The following CDKL3 variants were observed in gnomAD, a reference collection of about 807,000 sequenced individuals.
CDKL3 encodes the protein cyclin-dependent kinase-like 3.
A neutral mutation model predicts 69.3 loss-of-function variants in CDKL3; 65 were observed. That is an observed-to-expected ratio of 0.94 (90% CI 0.77 to 1.15). The LOEUF is 1.15. CDKL3 is among the 50% of genes most tolerant of loss of function. The pLI, the probability that CDKL3 is intolerant of heterozygous loss-of-function variation, is 0.00. For missense variants in CDKL3, 652 were observed against 689.2 expected, an observed-to-expected ratio of 0.95 and a Z score of 0.61; for synonymous variants, 202 against 221.6, an observed-to-expected ratio of 0.91 and a Z score of 0.79.
At chr5:134,306,530 G>C in intron 10 of CDKL3, 79 bp downstream of exon 10, 2 of 837,634 alleles carry the variant, frequency 2.4e-6, no homozygotes, top group East Asian at 5.2e-5. Context: ...AAAAGTATTA[G>C]AGCCCTAAAG....
At chr5:134,293,002 C>CTTTTTTTTTTTTTTTTTTTT (rs558156596) in intron 8 of CDKL3, among the ~76,000 whole-genome samples, 1 of 43,878 alleles carries the variant, frequency 2.3e-5, no homozygotes, top group Non-Finnish European at 4.4e-5. Context: ...CTGCCAATTT[C>CTTTTTTTTTTTTTTTTTTTT]TTTTTTTTTT....
intron 5 of CDKL3, 147 bp downstream of exon 5, chr5:134,321,644 C>T: frequency 1.9e-6 from 1 of 522,200 alleles, no homozygotes; most frequent in Non-Finnish European, 3.4e-6. Context: ...CCTTCTTTAT[C>T]AGCCCAAGGA....
At chr5:134,368,033 T>C (rs1484671947), upstream of CDKL3, among the ~76,000 whole-genome samples, 1 of 152,248 alleles carries the variant, frequency 6.6e-6, no homozygotes, top group African/African-American at 2.4e-5. Flanking sequence ...AATCTCGCTA[T>C]GCTTCCGCTA....
chr5:134,342,651 T>C lies in CDKL3; in HGVS notation c.539+7598A>G, dbSNP rs183698634. Among the ~76,000 whole-genome samples the C allele has an allele frequency of 1.1e-4, 17 of 151,308 alleles. No homozygotes were observed. In the East Asian group the frequency reaches 3.3e-3, roughly 29 times the overall value. On this transcript the variant is annotated intron_variant, in intron 4 of 12. Coordinates refer to ENST00000265334, the MANE Select transcript of CDKL3 (RefSeq NM_001113575.2). ...AAAATTTATGGAAGATCTAAATAAA[T>C]GGCAAAACATTCTAAATTCACAGAT...
chr5:134,343,603 T>C (rs1207426174), intron 4 of CDKL3, among the ~76,000 whole-genome samples: 4 of 152,208 alleles, frequency 2.6e-5, no homozygotes, highest in Admixed American at 1.3e-4. Context: ...CTCCATAAAC[T>C]GCTCCTAAGA....
chr5:134,290,926 G>A (rs1317445363), intron 8 of CDKL3, among the ~76,000 whole-genome samples: 2 of 152,144 alleles, frequency 1.3e-5, no homozygotes, highest in South Asian at 2.1e-4. Context: ...AGAGGTGAAG[G>A]CAGGAGATCA....
chr5:134,335,590 T>G (rs1776904628), intron 4 of CDKL3, among the ~76,000 whole-genome samples: 2 of 152,238 alleles, frequency 1.3e-5, no homozygotes, highest in South Asian at 4.2e-4. Flanking sequence ...AAGCTTAGTT[T>G]GGCTGGATAT....
At chr5:134,294,402 T>C (rs112153316), downstream of CDKL3, among the ~76,000 whole-genome samples, 6 of 152,248 alleles carry the variant, frequency 3.9e-5, no homozygotes, top group East Asian at 7.7e-4. Flanking sequence ...GCTAGCATCA[T>C]ACTTAGTGGA....
intron 6 of CDKL3, 72 bp from the exon 7 acceptor site, chr5:134,312,452 G>A: frequency 1.3e-6 from 1 of 789,480 alleles, no homozygotes; most frequent in South Asian, 1.8e-5. Flanking sequence ...AAATTTATTT[G>A]ACAAATTAAG....
At chr5:134,345,700 A>G (rs1751691617) in intron 4 of CDKL3, among the ~76,000 whole-genome samples, 3 of 152,180 alleles carry the variant, frequency 2.0e-5, no homozygotes, top group Admixed American at 2.0e-4. Context: ...TTGAGCCTGG[A>G]TGAGCCAGGA....
chr5:134,298,763 G>A, intron 12 of CDKL3, 53 bp from the exon 13 acceptor site: 1 of 1,583,716 alleles, frequency 6.3e-7, no homozygotes, highest in Non-Finnish European at 8.6e-7. Context: ...GTAAATATAT[G>A]CTACCAAAAC....
chr5:134,359,136 G>T (rs1755349381), intron 3 of CDKL3, among the ~76,000 whole-genome samples: 1 of 151,950 alleles, frequency 6.6e-6, no homozygotes, highest in South Asian at 2.1e-4. Context: ...ATATTGGCCA[G>T]GTGTGGTGGT....
chr5:134,362,422 G>A (rs879316334), intron 2 of CDKL3, among the ~76,000 whole-genome samples: 1 of 152,170 alleles, frequency 6.6e-6, no homozygotes, highest in Admixed American at 6.5e-5. Context: ...AGGAGGCTGA[G>A]GCAGGAGAAT....
At chr5:134,330,467 C>T (rs1305289577) in intron 4 of CDKL3, among the ~76,000 whole-genome samples, 1 of 152,178 alleles carries the variant, frequency 6.6e-6, no homozygotes, top group Non-Finnish European at 1.5e-5. Flanking sequence ...GTAATCTCAA[C>T]ACTTTGGTAG....
chr5:134,346,271 T>G (rs532806404), intron 4 of CDKL3, among the ~76,000 whole-genome samples: 3 of 152,306 alleles, frequency 2.0e-5, no homozygotes, highest in African/African-American at 7.2e-5. Context: ...TTATTACCAT[T>G]AGATCATACT....
At chr5:134,296,538 A>G (rs1334276547), downstream of CDKL3, among the ~76,000 whole-genome samples, 1 of 152,212 alleles carries the variant, frequency 6.6e-6, no homozygotes, top group African/African-American at 2.4e-5. Flanking sequence ...AAGCATTAAG[A>G]TGAGGTAGAA....
chr5:134,363,578 A>G (rs1436457918), intron 2 of CDKL3, among the ~76,000 whole-genome samples: 1 of 149,594 alleles, frequency 6.7e-6, no homozygotes, highest in Admixed American at 6.8e-5. Context: ...CTCCTACCTC[A>G]GCCTCCCGAG....
At chr5:134,288,731 T>C (rs990642008) in intron 8 of CDKL3, among the ~76,000 whole-genome samples, 6 of 152,186 alleles carry the variant, frequency 3.9e-5, no homozygotes, top group African/African-American at 1.4e-4. Context: ...CACTGTGTCC[T>C]GTGTGTGTTA....
intron 4 of CDKL3, among the ~76,000 whole-genome samples, chr5:134,331,813 TA>T (rs968756612): frequency 3.3e-5 from 5 of 152,326 alleles, no homozygotes; most frequent in Middle Eastern, 6.8e-3. Flanking sequence ...TTTGGGTATA[TA>T]CCCAGTAATG....
Sources: gnomAD v4.1 joint callset for allele counts (sites outside exome capture counted in the v4.1 genomes callset) on GRCh38, gnomAD v4.1.1 for gene constraint, MANE v1.5 for transcripts, NCBI Gene and HGNC (gene_info 2026-07-23, HGNC 2026-07-21) for gene names.